ASPG: variants seen among roughly 807,000 people sequenced by gnomAD.
ASPG encodes 60 kDa lysophospholipase.
Under a neutral mutation model 63.2 loss-of-function variants are expected in ASPG, and 53 were observed. That is an observed-to-expected ratio of 0.84 (90% CI 0.67 to 1.05). The LOEUF is 1.05. ASPG is among the 50% of genes least tolerant of loss of function. The probability of loss-of-function intolerance (pLI) is 0.00; values close to 1 mark genes in which losing one functional copy is unlikely to be tolerated. For missense variants in ASPG, 741 were observed against 794.4 expected, an observed-to-expected ratio of 0.93 and a Z score of 0.81; for synonymous variants, 370 against 355.0, an observed-to-expected ratio of 1.04 and a Z score of -0.48.
At chr14:104,099,948 G>T (rs1306472777) in intron 6 of ASPG, among the ~76,000 whole-genome samples, 2 of 152,216 alleles carry the variant, frequency 1.3e-5, no homozygotes, top group African/African-American at 4.8e-5. Flanking sequence ...TGTCTGGGCG[G>T]GTGGGGTGGA....
intron 15 of ASPG, 89 bp downstream of exon 15, chr14:104,112,089 G>T (rs913142679): frequency 7.9e-7 from 1 of 1,270,248 alleles, no homozygotes; most frequent in East Asian, 2.5e-5. Flanking sequence ...TAATCAAGGG[G>T]AACAGAACCG....
In ASPG at chr14:104,109,581, T is replaced by G. The variant is rs1416075230; in HGVS notation, c.1520+266T>G. Among the ~76,000 whole-genome samples, 1 of 149,194 alleles carries G rather than the reference T, an allele frequency of 6.7e-6. No individual in the cohort carries two copies. Among genetic ancestry groups the G allele is most frequent in the Non-Finnish European group, 1.5e-5 (1 of 67,814 alleles). On this transcript the variant is annotated intron_variant, in intron 13 of 15. Transcript: ENST00000551177. This position sits in a 1 kb window ranked among gnomAD's most constrained non-coding sequence, Gnocchi z 4.8. ...GTGTGCACATGTGTGCATGTGTGTA[T>G]GCATGTGTGTGGGTGCATGTGTGTG...
chr14:104,090,352 G>A (rs373008254), intron 1 of ASPG, among the ~76,000 whole-genome samples: 1 of 152,196 alleles, frequency 6.6e-6, no homozygotes, highest in African/African-American at 2.4e-5. Context: ...AACCAGATAT[G>A]CCCCCTCCAC....
At chr14:104,098,043 G>T (rs2036694050) in intron 5 of ASPG, among the ~76,000 whole-genome samples, 1 of 81,682 alleles carries the variant, frequency 1.2e-5, no homozygotes, top group African/African-American at 4.2e-5. Context: ...TGCGTATGGA[G>T]GTTTTGCGTT....
intron 15 of ASPG, 118 bp downstream of exon 15, chr14:104,112,118 C>T (rs1196234884): frequency 1.1e-5 from 11 of 979,174 alleles, no homozygotes; most frequent in South Asian, 9.6e-5. Flanking sequence ...TGAGATGGGT[C>T]CCAGCCAGTT....
chr14:104,085,872 C>A lies in ASPG; in HGVS notation c.82+20C>A. On this transcript the variant is annotated intron_variant, in intron 1 of 15. Transcript: ENST00000551177. ...TCGGCGGTGAGTCCGAGACCCTGGG[C>A]GGGGTAGGCCTCTGGACCTGGCCGC... 1 of 1,571,378 alleles carries A rather than the reference C, an allele frequency of 6.4e-7. No individual in the cohort carries two copies. The highest frequency in any genetic ancestry group is 8.6e-7 in the Non-Finnish European group (1 of 1,166,404).
intron 11 of ASPG, 23 bp downstream of exon 11, chr14:104,106,917 G>A: frequency 6.4e-7 from 1 of 1,552,868 alleles, no homozygotes. Context: ...CACCCTGGGG[G>A]CCCAGCCCCA....
At chr14:104,111,005 C>T (rs1364049046) in intron 13 of ASPG, 3 of 985,470 alleles carry the variant, frequency 3.0e-6, no homozygotes, top group Non-Finnish European at 3.6e-6. Context: ...CTGTGTCCCC[C>T]TCTCTGAACC....
intron 6 of ASPG, among the ~76,000 whole-genome samples, chr14:104,101,612 T>C (rs2036880455): frequency 6.6e-6 from 1 of 152,174 alleles, no homozygotes; most frequent in Admixed American, 6.5e-5. Context: ...CCCACTCTGC[T>C]GGGGCCCTTG....
At chr14:104,090,443 C>G (rs976611744) in intron 1 of ASPG, among the ~76,000 whole-genome samples, 22 of 152,254 alleles carry the variant, frequency 1.4e-4, no homozygotes, top group Non-Finnish European at 1.9e-4. Context: ...CTGTGCCGGG[C>G]GGCTGAACAT....
chr14:104,108,348 C>T (rs964962126), intron 12 of ASPG: 36 of 946,658 alleles, frequency 3.8e-5, no homozygotes, highest in African/African-American at 2.8e-4. Flanking sequence ...GTGGGTGGCG[C>T]GGAGACGAGC....
At chr14:104,102,957 A>C (rs1344916080) in intron 6 of ASPG, among the ~76,000 whole-genome samples, 1 of 152,136 alleles carries the variant, frequency 6.6e-6, no homozygotes, top group Non-Finnish European at 1.5e-5. Flanking sequence ...TTTGGGGTGA[A>C]CTGGATGGAG....
At chr14:104,088,667 A>G (rs187648457) in intron 1 of ASPG, among the ~76,000 whole-genome samples, 18 of 152,262 alleles carry the variant, frequency 1.2e-4, no homozygotes, top group African/African-American at 3.9e-4. Flanking sequence ...AGTGATGCCC[A>G]TGGCTTCTTG....
At chr14:104,106,953 A>G (rs1319921537) in intron 11 of ASPG, 59 bp downstream of exon 11, 22 of 1,499,966 alleles carry the variant, frequency 1.5e-5, no homozygotes, top group Non-Finnish European at 1.8e-5. Flanking sequence ...GGGGCTCTGA[A>G]CCCTGTAGGC....
At chr14:104,103,729 C>A in intron 7 of ASPG, 54 bp downstream of exon 7, 1 of 1,468,714 alleles carries the variant, frequency 6.8e-7, no homozygotes, top group Non-Finnish European at 9.2e-7. Flanking sequence ...CAGCCCTCTG[C>A]AGCTCCCACG....
intron 12 of ASPG, chr14:104,108,455 C>T: frequency 1.0e-6 from 1 of 985,452 alleles, no homozygotes; most frequent in Non-Finnish European, 1.2e-6. Flanking sequence ...CTGCCAGGCT[C>T]CCTGAGGCCG....
chr14:104,105,791 C>G (rs1257665746), intron 10 of ASPG, among the ~76,000 whole-genome samples: 1 of 152,150 alleles, frequency 6.6e-6, no homozygotes, highest in Admixed American at 6.5e-5. Flanking sequence ...CTCTCCCAGG[C>G]TCTGAGCACC....
chr14:104,101,252 G>A (rs1473648284), intron 6 of ASPG, among the ~76,000 whole-genome samples: 1 of 152,220 alleles, frequency 6.6e-6, no homozygotes, highest in Non-Finnish European at 1.5e-5. Flanking sequence ...GGCTGCTGGG[G>A]CCCCTGGGGA....
At position 104,109,963 on chromosome 14, in the gene ASPG, G is replaced by A. The variant is rs1355010895; in HGVS notation, c.1520+648G>A. ...CAGGGAGGCCTTCGGCGAGGGTGTC[G>A]GTTGTGGGTGGAGGTGGGCCAGGGA... On this transcript the variant is annotated intron_variant, in intron 13 of 15. Coordinates refer to ENST00000551177, the MANE Select transcript of ASPG (RefSeq NM_001080464.3). The surrounding 1 kb of genome is among the most constrained non-coding windows in gnomAD (Gnocchi z 4.8). 3 of 985,188 alleles carry A rather than the reference G, an allele frequency of 3.0e-6. No individual in the cohort carries two copies. The highest frequency in any genetic ancestry group is 1.7e-5 in the African/African-American group (1 of 57,172). The allele number at this position is 985,188 out of a possible 1,614,324, so 61.0% of individuals were successfully genotyped here. A position where few individuals can be genotyped will look rare whatever the true frequency, so the allele number is the denominator to read the frequency against.
Sources: allele counts gnomAD v4.1 joint callset (sites outside exome capture counted in the v4.1 genomes callset), GRCh38; gene constraint gnomAD v4.1.1; non-coding constraint Gnocchi (gnomAD v3.1); transcripts MANE v1.5; gene names NCBI Gene and HGNC (gene_info 2026-07-23, HGNC 2026-07-21).